Variants in SOX6 observed in about 807,000 individuals in gnomAD.
SOX6 encodes the protein SRY-box transcription factor 6.
SOX6 carries 11 observed loss-of-function variants against 97.8 expected under a neutral mutation model. The ratio of observed to expected loss-of-function variants is 0.11; its 90% CI spans 0.07 to 0.19. The LOEUF (loss-of-function observed/expected upper bound fraction) is 0.19. Ranked by LOEUF, SOX6 falls within the 10% of genes least tolerant of loss-of-function variation. SOX6 has a pLI of 1.00. For synonymous variants in SOX6, 360 were observed against 371.4 expected, an observed-to-expected ratio of 0.97 and a Z score of 0.35; for missense variants, 810 against 1,039.5, an observed-to-expected ratio of 0.78 and a Z score of 3.04.
chr11:16,693,444 T>C (rs929617409), intron 3 of SOX6, among the ~76,000 whole-genome samples: 29 of 152,148 alleles, frequency 1.9e-4, no homozygotes, highest in Admixed American at 7.9e-4. Context: ...TCCAGTTTTT[T>C]CATTAATATT....
chr11:16,531,286 T>C (rs751165648), intron 4 of SOX6, among the ~76,000 whole-genome samples: 11 of 151,530 alleles, frequency 7.3e-5, no homozygotes, highest in Non-Finnish European at 1.6e-4. Context: ...CAACCCCTCC[T>C]AATATTATTT....
chr11:16,243,043 C>T (rs1359077943), intron 3 of SOX6, among the ~76,000 whole-genome samples: 1 of 151,942 alleles, frequency 6.6e-6, no homozygotes, highest in Non-Finnish European at 1.5e-5. Flanking sequence ...TGTCTCCCCA[C>T]TTTTTGACTT....
chr11:16,240,428 G>C (rs1382908395), intron 3 of SOX6, among the ~76,000 whole-genome samples: 2 of 151,848 alleles, frequency 1.3e-5, no homozygotes, highest in African/African-American at 4.8e-5. Flanking sequence ...TACACATACA[G>C]ACATCATCAT....
At chr11:16,627,470 T>C (rs1848638048) in intron 3 of SOX6, among the ~76,000 whole-genome samples, 1 of 152,248 alleles carries the variant, frequency 6.6e-6, no homozygotes, top group African/African-American at 2.4e-5. Context: ...TGTTGTTTTC[T>C]AACTTTTTAA....
At chr11:16,416,453 A>C (rs958202537) in intron 1 of SOX6, among the ~76,000 whole-genome samples, 7 of 152,206 alleles carry the variant, frequency 4.6e-5, no homozygotes, top group African/African-American at 1.7e-4. Context: ...CTAAAATACC[A>C]GATTTGGAAA....
intron 6 of SOX6, among the ~76,000 whole-genome samples, chr11:16,153,476 C>G (rs1279687750): frequency 6.6e-6 from 1 of 152,140 alleles, no homozygotes; most frequent in Non-Finnish European, 1.5e-5. Flanking sequence ...GGGTTAACTA[C>G]CTCTGATAGG....
chr11:16,324,789 A>G (rs1039019359), intron 2 of SOX6, among the ~76,000 whole-genome samples: 10 of 152,296 alleles, frequency 6.6e-5, no homozygotes, highest in African/African-American at 2.4e-4. Flanking sequence ...TTGCAACAAC[A>G]TGGATAGAGC....
At chr11:16,085,316 T>A (rs1848554627) in intron 9 of SOX6, among the ~76,000 whole-genome samples, 1 of 151,218 alleles carries the variant, frequency 6.6e-6, no homozygotes, top group Non-Finnish European at 1.5e-5. Context: ...TTTCTCCTTT[T>A]CTTAAAAAAA....
chr11:16,256,830 A>T (rs1318034900), intron 3 of SOX6, among the ~76,000 whole-genome samples: 1 of 151,896 alleles, frequency 6.6e-6, no homozygotes, highest in Non-Finnish European at 1.5e-5. Flanking sequence ...AATTGACAAA[A>T]ATTCCTGGAA....
intron 15 of SOX6, among the ~76,000 whole-genome samples, chr11:15,980,905 C>T (rs1378598236): frequency 6.6e-6 from 1 of 151,912 alleles, no homozygotes; most frequent in Non-Finnish European, 1.5e-5. Context: ...CTATTATATG[C>T]TAATCTATTC....
chr11:16,516,648 T>A (rs2133156874), intron 4 of SOX6, among the ~76,000 whole-genome samples: 1 of 151,070 alleles, frequency 6.6e-6, no homozygotes, highest in African/African-American at 2.4e-5. Flanking sequence ...AATCTCTGAA[T>A]AGACCAATAA....
intron 6 of SOX6, among the ~76,000 whole-genome samples, chr11:16,141,305 G>C (rs995194632): frequency 1.3e-5 from 2 of 152,114 alleles, no homozygotes; most frequent in Non-Finnish European, 2.9e-5. Flanking sequence ...AGGTATCTGA[G>C]TGCCTAAAAA....
At chr11:16,042,825 G>A (rs995754899) in intron 12 of SOX6, among the ~76,000 whole-genome samples, 2 of 152,128 alleles carry the variant, frequency 1.3e-5, no homozygotes, top group African/African-American at 4.8e-5. Flanking sequence ...TTTCTCAAGT[G>A]ATTCCCAGAT....
intron 12 of SOX6, among the ~76,000 whole-genome samples, chr11:16,034,695 C>A (rs988515664): frequency 5.3e-5 from 8 of 152,134 alleles, no homozygotes; most frequent in Non-Finnish European, 1.0e-4. Flanking sequence ...AACACATACA[C>A]GAAGACTTAT....
chr11:16,360,606 T>C (rs1267169633), upstream of SOX6, among the ~76,000 whole-genome samples: 1 of 152,120 alleles, frequency 6.6e-6, no homozygotes, highest in East Asian at 1.9e-4. Flanking sequence ...GGGACAAGAA[T>C]TGTGTCATAA....
In SOX6 at chr11:16,523,082, A is replaced by G. The variant is rs180804715; in HGVS notation, n.610-46694T>C. ...CATTAGACAGATCAACAACACAAAA[A>G]GTTAACAAGGATATCCAGGAATTGA... On this transcript the variant is annotated intron_variant and non_coding_transcript_variant, in intron 4 of 5. Coordinates refer to the SOX6 transcript ENST00000524520. 3.0e-3 allele frequency among the ~76,000 whole-genome samples: 453 copies of G among 152,312 alleles called. 1 individual carries two copies. Among genetic ancestry groups the G allele is most frequent in the Non-Finnish European group, 5.4e-3 (365 of 68,042 alleles).
At position 15,970,877 on chromosome 11, in the gene SOX6, T is replaced by A. The variant is rs561188196; in HGVS notation, c.*1932A>T. 13 of 152,802 alleles carry A rather than the reference T, an allele frequency of 8.5e-5. No homozygotes were observed. The South Asian group carries it at 2.7e-3, about 32-fold the overall frequency. The allele number at this position is 152,802 out of a possible 1,614,324, so 9.5% of individuals were successfully genotyped here. Reference sequence around the variant, plus strand: ...TGTCCCATGAGGTGAACTATCCCATTCACTGACATTCTCCCACTAAACCTC... The same window carrying A: ...TGTCCCATGAGGTGAACTATCCCATACACTGACATTCTCCCACTAAACCTC... On this transcript the variant is annotated 3_prime_UTR_variant, in exon 16 of 16. Transcript: ENST00000683767.
At chr11:16,487,173 T>C (rs536632707) in intron 4 of SOX6, among the ~76,000 whole-genome samples, 1 of 152,300 alleles carries the variant, frequency 6.6e-6, no homozygotes, top group South Asian at 2.1e-4. Flanking sequence ...TTGGAGTTTC[T>C]GTTTTTTAAC....
intron 12 of SOX6, 117 bp from the exon 13 acceptor site, chr11:16,015,167 A>G (rs1279476357): frequency 2.3e-6 from 2 of 853,068 alleles, no homozygotes; most frequent in Non-Finnish European, 3.8e-6. Context: ...TTTCTGACCA[A>G]TGTGGACTCT....
Sources: gnomAD v4.1 joint callset for allele counts (sites outside exome capture counted in the v4.1 genomes callset) on GRCh38, gnomAD v4.1.1 for gene constraint, MANE v1.5 for transcripts, NCBI Gene and HGNC (gene_info 2026-07-23, HGNC 2026-07-21) for gene names.